STX7: variants seen among roughly 807,000 people sequenced by gnomAD.
STX7 encodes syntaxin 7.
A neutral mutation model predicts 39.6 loss-of-function variants in STX7; 34 were observed. That is an observed-to-expected ratio of 0.86 (90% CI 0.65 to 1.14). STX7 has a LOEUF of 1.14. Among genes scored for constraint, STX7 ranks in the 50% most tolerant of loss-of-function variants. The probability of loss-of-function intolerance (pLI) is 0.00; values close to 1 mark genes in which losing one functional copy is unlikely to be tolerated. For missense variants in STX7, 284 were observed against 310.4 expected, an observed-to-expected ratio of 0.92 and a Z score of 0.64; for synonymous variants, 119 against 99.1, an observed-to-expected ratio of 1.20 and a Z score of -1.19.
At chr6:132,473,992 G>A (rs1408197450) in intron 3 of STX7, among the ~76,000 whole-genome samples, 1 of 151,578 alleles carries the variant, frequency 6.6e-6, no homozygotes, top group Non-Finnish European at 1.5e-5. Context: ...CACTCTGGGA[G>A]GGTGAGGTGG....
intron 7 of STX7, 38 bp from the exon 8 acceptor site, chr6:132,468,513 C>A: frequency 6.5e-7 from 1 of 1,527,294 alleles, no homozygotes; most frequent in South Asian, 1.2e-5. Flanking sequence ...ATCAGAAATT[C>A]AGTCCCCATT....
chr6:132,513,469 G>A (rs1173580865), upstream of STX7, among the ~76,000 whole-genome samples: 1 of 152,182 alleles, frequency 6.6e-6, no homozygotes, highest in African/African-American at 2.4e-5. Context: ...GCAAAGGCGA[G>A]TACACAATCC....
chr6:132,458,786 A>G lies in STX7; in HGVS notation c.*1972T>C, dbSNP rs1774314169. 1 of 152,206 alleles carries G rather than the reference A, an allele frequency of 6.6e-6. No individual in the cohort carries two copies. Among genetic ancestry groups the G allele is most frequent in the Non-Finnish European group, 1.5e-5 (1 of 68,038 alleles). 9.4% of individuals were successfully genotyped at this position (152,206 alleles called of 1,614,324 possible). ...TCAAACTTAATATGTTTCTTAAACA[A>G]ATTGAAGCCACTAAAGTTCCTGTTT... On this transcript the variant is annotated 3_prime_UTR_variant, in exon 10 of 10. Coordinates refer to ENST00000367941, the MANE Select transcript of STX7 (RefSeq NM_003569.3).
chr6:132,480,062 C>T (rs1774978652), intron 2 of STX7, among the ~76,000 whole-genome samples: 1 of 152,122 alleles, frequency 6.6e-6, no homozygotes, highest in Non-Finnish European at 1.5e-5. Context: ...CACTGTGCCC[C>T]CTGTGGCCCG....
chr6:132,499,987 T>C (rs1417102622), intron 2 of STX7, among the ~76,000 whole-genome samples: 2 of 152,056 alleles, frequency 1.3e-5, no homozygotes, highest in African/African-American at 4.8e-5. Context: ...ACTCCTTCCT[T>C]CCTCTACCAT....
chr6:132,470,848 TAAG>T (rs1344832527), intron 5 of STX7, among the ~76,000 whole-genome samples: 1 of 152,142 alleles, frequency 6.6e-6, no homozygotes, highest in African/African-American at 2.4e-5. Context: ...TTTTATATTC[TAAG>T]TAGACAAGAA....
rs897345298 is a variant in STX7 at position 132,453,062 on chromosome 6, C to T, written c.*7696G>A. Reference sequence around the variant, plus strand: ...TAGAAAACCCAGATATAGACCCACACGAATGTGCCCAACTGATTTCTCATT... The same window carrying T: ...TAGAAAACCCAGATATAGACCCACATGAATGTGCCCAACTGATTTCTCATT... On this transcript the variant is annotated 3_prime_UTR_variant, in exon 10 of 10. Coordinates refer to ENST00000367941, the MANE Select transcript of STX7 (RefSeq NM_003569.3). 2.6e-5 allele frequency: 4 copies of T among 152,046 alleles called. No individual in the cohort carries two copies. Among genetic ancestry groups the T allele is most frequent in the South Asian group, 2.1e-4 (1 of 4,832 alleles). 9.4% of individuals were successfully genotyped at this position (152,046 alleles called of 1,614,324 possible).
At chr6:132,478,949 C>A (rs1350210305) in intron 2 of STX7, among the ~76,000 whole-genome samples, 1 of 152,186 alleles carries the variant, frequency 6.6e-6, no homozygotes, top group Non-Finnish European at 1.5e-5. Flanking sequence ...TCCTACAGGA[C>A]ACTACATTAG....
In STX7 at chr6:132,457,350, G is replaced by C. The variant is rs1383296031; in HGVS notation, c.*3408C>G. The C allele has an allele frequency of 6.6e-6, 1 of 152,124 alleles. No homozygotes were observed. The highest frequency in any genetic ancestry group is 1.5e-5 in the Non-Finnish European group (1 of 68,028). The allele number at this position is 152,124 out of a possible 1,614,324, so 9.4% of individuals were successfully genotyped here. On this transcript the variant is annotated 3_prime_UTR_variant, in exon 10 of 10. Transcript: ENST00000367941. ...ACTTTGGAAAATCCAGCTGAAATGA[G>C]GAAAGATAATCGTGCATGTCTGGCA...
At position 132,451,356 on chromosome 6, in the gene STX7, A is replaced by C. The variant is rs1253601556; in HGVS notation, c.*9402T>G. On this transcript the variant is annotated 3_prime_UTR_variant, in exon 10 of 10. Coordinates refer to ENST00000367941, the MANE Select transcript of STX7 (RefSeq NM_003569.3). ...AGTGATCTGCCCGCCTTGGCTTCCCAAAGTGCTGGGCTTACAGGCGTGAGC... is the reference window on the plus strand; with the variant it reads ...AGTGATCTGCCCGCCTTGGCTTCCCCAAGTGCTGGGCTTACAGGCGTGAGC... The C allele has an allele frequency of 6.6e-6, 1 of 152,154 alleles. No individual in the cohort carries two copies. The highest frequency in any genetic ancestry group is 1.5e-5 in the Non-Finnish European group (1 of 68,034). 9.4% of individuals were successfully genotyped at this position (152,154 alleles called of 1,614,324 possible). A position where few individuals can be genotyped will look rare whatever the true frequency, so the allele number is the denominator to read the frequency against.
chr6:132,501,392 G>A (rs1775555261), intron 2 of STX7, among the ~76,000 whole-genome samples: 1 of 152,046 alleles, frequency 6.6e-6, no homozygotes, highest in African/African-American at 2.4e-5. Context: ...CACATAGACT[G>A]TGGAGTATCA....
intron 6 of STX7, 53 bp downstream of exon 6, chr6:132,470,521 T>C: frequency 7.4e-7 from 1 of 1,358,176 alleles, no homozygotes; most frequent in Non-Finnish European, 1.0e-6. Context: ...GACCTTAATG[T>C]ATAAACTTTG....
rs1202181164 is a variant in STX7, at chr6:132,452,544, G to C, written c.*8214C>G. On this transcript the variant is annotated 3_prime_UTR_variant, in exon 10 of 10. Coordinates refer to ENST00000367941, the MANE Select transcript of STX7 (RefSeq NM_003569.3). ...AGTAAGTGGGCTCAATAAGGTCTCA[G>C]TATACAAAATAGAAAAATTCACTTT... 6.6e-5 allele frequency: 10 copies of C among 152,038 alleles called. No homozygotes were observed. Among genetic ancestry groups the C allele is most frequent in the Non-Finnish European group, 1.3e-4 (9 of 67,946 alleles). The allele number at this position is 152,038 out of a possible 1,614,324, so 9.4% of individuals were successfully genotyped here.
In STX7 at chr6:132,449,733, C is replaced by A. The variant is rs950857643; in HGVS notation, c.*11025G>T. On this transcript the variant is annotated 3_prime_UTR_variant, in exon 10 of 10. Transcript: ENST00000367941. The stretch of plus-strand genomic sequence containing the variant: ...AGTTGTCTTTGGTTCTTTTTAATAT[C>A]TGCCTTTTAACACATCTCTCATTTC... 2 of 152,094 alleles carry A rather than the reference C, an allele frequency of 1.3e-5. No homozygotes were observed. The highest frequency in any genetic ancestry group is 2.9e-5 in the Non-Finnish European group (2 of 68,020). 9.4% of individuals were successfully genotyped at this position (152,094 alleles called of 1,614,324 possible).
At chr6:132,469,083 T>C (rs1774639564) in intron 7 of STX7, among the ~76,000 whole-genome samples, 1 of 152,190 alleles carries the variant, frequency 6.6e-6, no homozygotes, top group African/African-American at 2.4e-5. Context: ...ATAATTAACA[T>C]AAAGAATTCA....
At chr6:132,479,777 A>AT (rs907952458) in intron 2 of STX7, among the ~76,000 whole-genome samples, 26 of 152,212 alleles carry the variant, frequency 1.7e-4, no homozygotes, top group African/African-American at 6.0e-4. Context: ...TTTTTGTTTG[A>AT]TTTTTTGTAT....
intron 1 of STX7, among the ~76,000 whole-genome samples, chr6:132,511,043 C>T (rs564525298): frequency 2.6e-4 from 39 of 152,304 alleles, no homozygotes; most frequent in Admixed American, 5.9e-4. Flanking sequence ...TCTCTATACC[C>T]TCTACCCCAA....
intron 1 of STX7, among the ~76,000 whole-genome samples, chr6:132,509,315 G>A (rs533039100): frequency 4.6e-5 from 7 of 152,138 alleles, no homozygotes; most frequent in African/African-American, 1.4e-4. Context: ...AACTGGGTGT[G>A]GTGGCATGCG....
intron 2 of STX7, among the ~76,000 whole-genome samples, chr6:132,498,267 G>A (rs912103729): frequency 6.6e-5 from 10 of 151,604 alleles, no homozygotes; most frequent in African/African-American, 2.4e-4. Context: ...TTACATGTAA[G>A]CATTTACAAT....
Sources: allele counts gnomAD v4.1 joint callset (sites outside exome capture counted in the v4.1 genomes callset), GRCh38; gene constraint gnomAD v4.1.1; transcripts MANE v1.5; gene names NCBI Gene and HGNC (gene_info 2026-07-23, HGNC 2026-07-21).